The following LMF2 variants were observed in gnomAD, a reference collection of about 807,000 sequenced individuals.
The protein encoded by LMF2 is transmembrane protein 112B.
In LMF2, 113 loss-of-function variants were observed where a neutral mutation model predicts 81.5. That is an observed-to-expected ratio of 1.39 (90% CI 1.19 to 1.62). The LOEUF is 1.62. LMF2 is among the 40% of genes most tolerant of loss of function. LMF2 has a pLI of 0.00. For missense variants in LMF2, 1,235 were observed against 929.1 expected, an observed-to-expected ratio of 1.33 and a Z score of -4.28; for synonymous variants, 645 against 424.5, an observed-to-expected ratio of 1.52 and a Z score of -6.39.
chr22:50,503,584 A>T lies in LMF2; in HGVS notation c.1931T>A (p.Met644Lys), dbSNP rs1480549111. The change falls in exon 14 of 14, where the codon ATG (methionine) becomes AAG (lysine). Residue 644 changes from methionine to lysine, a missense_variant. Physicochemically the swap from Met to Lys is moderately conservative, Grantham distance 95. Transcript: ENST00000474879. The stretch of plus-strand genomic sequence containing the variant: ...CACAAATCTGACAGCCCCCACGGCC[A>T]TGAGGAGCCCCCAGAGCAGGGCGGG... ...EAPALLWGLL[M>K]AVGAVRFVQA... The T allele has an allele frequency of 1.3e-6, 2 of 1,546,280 alleles. No homozygotes were observed. Among genetic ancestry groups the T allele is most frequent in the African/African-American group, 2.7e-5 (2 of 72,900 alleles).
At position 50,506,435 on chromosome 22, in the gene LMF2, G is replaced by C. The variant is rs200084182; in HGVS notation, c.445C>G (p.Arg149Gly). Residue 149 changes from arginine to glycine, a missense_variant, in exon 4 of 14, where the codon CGC becomes GGC. By Grantham distance (125) the Arg-to-Gly change is moderately radical (BLOSUM62 -2). Transcript: ENST00000474879. ...LVAPLRPASH[R>G]KEAPQGRQAG... ...TGCCTGCCCTGGGGGGCCTCCTTGC[G>C]GTGGGAGGCTGGCCTCAGCGGGGCC... 6.4e-7 allele frequency: 1 copy of C among 1,550,516 alleles called. No homozygotes were observed. Among genetic ancestry groups the C allele is most frequent in the Non-Finnish European group, 8.7e-7 (1 of 1,148,304 alleles).
In LMF2 at chr22:50,504,945, GGC is replaced by G; in HGVS notation, c.1292_1293del (p.Arg431ProfsTer35). ...YSYVEPGTHG[R>X]LWTGAHRLFG... ...AACAGGCGGTGGGCCCCGGTCCAGAGGCGCCCGTGGGTCCCGGGCTCCACGTA... is the reference window on the plus strand; with the variant it reads ...AACAGGCGGTGGGCCCCGGTCCAGAGGCCCGTGGGTCCCGGGCTCCACGTA... On this transcript the variant is annotated frameshift_variant, in exon 10 of 14. Transcript: ENST00000474879. LOFTEE classifies it high-confidence loss of function. 1 of 1,607,504 alleles carries G rather than the reference GGC, an allele frequency of 6.2e-7. No individual in the cohort carries two copies. The highest frequency in any genetic ancestry group is 8.5e-7 in the Non-Finnish European group (1 of 1,176,536).
intron 5 of LMF2, 31 bp downstream of exon 5, chr22:50,506,004 C>T (rs1429377881): frequency 3.2e-6 from 5 of 1,568,906 alleles, no homozygotes; most frequent in Non-Finnish European, 4.3e-6. Context: ...GCCCTGTCTG[C>T]CTCTCTCTGA....
intron 1 of LMF2, 31 bp from the exon 2 acceptor site, chr22:50,507,066 G>T: frequency 6.4e-7 from 1 of 1,566,968 alleles, no homozygotes; most frequent in African/African-American, 1.3e-5. Flanking sequence ...GCCAGGCCCT[G>T]GACAGCCCTT....
Position 50,503,832 on chromosome 22 carries a change from C to T in LMF2, c.1791G>A (p.Thr597=), listed in dbSNP as rs199878629. 491 of 1,605,802 alleles carry T rather than the reference C, an allele frequency of 3.1e-4. 1 individual carries two copies. The highest frequency in any genetic ancestry group is 4.1e-4 in the South Asian group (37 of 91,088). ...CCTGTAGTCCAAACTGCCTGAGCAGCGTCTCCAGCGTGGGGTCCCCCAGGG... is the reference window on the plus strand; with the variant it reads ...CCTGTAGTCCAAACTGCCTGAGCAGTGTCTCCAGCGTGGGGTCCCCCAGGG... The part of the protein sequence containing the change: ...SVSLGDPTLE[T]LLRQFGLQEK... Residue 597 remains threonine (T), a synonymous_variant, in exon 13 of 14, where the codon ACG becomes ACA. Coordinates refer to ENST00000474879, the MANE Select transcript of LMF2 (RefSeq NM_033200.3).
Position 50,506,475 on chromosome 22 carries a change from G to A in LMF2, c.405C>T (p.Phe135=). The change falls in exon 4 of 14, where the codon TTC becomes TTT. Residue 135 remains phenylalanine, a synonymous_variant. Coordinates refer to ENST00000474879, the MANE Select transcript of LMF2 (RefSeq NM_033200.3). Reference sequence around the variant, plus strand: ...TCAGCGGGGCCACCAGCACGGCCAGGAAGCCAGTCTCTAGCAGCAGGGAGT... The same window carrying A: ...TCAGCGGGGCCACCAGCACGGCCAGAAAGCCAGTCTCTAGCAGCAGGGAGT... ...QWDSLLLETG[F]LAVLVAPLRP... is the part of the protein sequence containing the mutation. The A allele has an allele frequency of 1.3e-6, 2 of 1,553,810 alleles. No individual in the cohort carries two copies. Among genetic ancestry groups the A allele is most frequent in the Non-Finnish European group, 8.7e-7 (1 of 1,151,102 alleles).
chr22:50,507,222 C>T, intron 1 of LMF2, 187 bp from the exon 2 acceptor site: 1 of 959,496 alleles, frequency 1.0e-6, no homozygotes, highest in Non-Finnish European at 1.5e-6. Flanking sequence ...CGTCCCAGGG[C>T]TAGAGGCCTG....
rs369763274 is a variant in LMF2, at chr22:50,506,874, C to T, written c.256G>A (p.Ala86Thr). ...AGCAGGGCTCCCAGGGCCACTAGTG[C>T]ACCCAGCAGGCTCAGCAGCTCCAGG... ...QGLELLSLLG[A>T]LVALGALLLS... The change falls in exon 2 of 14, where the codon GCA becomes ACA. Residue 86 changes from alanine (A) to threonine (T), a missense_variant. Transcript: ENST00000474879. 1.8e-5 allele frequency: 28 copies of T among 1,589,750 alleles called. No homozygotes were observed. Among genetic ancestry groups the T allele is most frequent in the Non-Finnish European group, 2.4e-5 (28 of 1,168,752 alleles).
rs749163677 is a variant in LMF2 at position 50,503,730 on chromosome 22, G to A, written c.1816-31C>T. On this transcript the variant is annotated intron_variant, in intron 13 of 13. Coordinates refer to ENST00000474879, the MANE Select transcript of LMF2 (RefSeq NM_033200.3). ...GGAGGGAGGGAGGGAGGGAGGTTGGGGAAGTGCTTACTGGGTTTACCCCGG... is the reference window on the plus strand; with the variant it reads ...GGAGGGAGGGAGGGAGGGAGGTTGGAGAAGTGCTTACTGGGTTTACCCCGG... 11 of 1,587,458 alleles carry A rather than the reference G, an allele frequency of 6.9e-6. No individual in the cohort carries two copies. The Admixed American group carries it at 8.5e-5, about 12-fold the overall frequency.
rs769300731 is a variant in LMF2, at chr22:50,505,418, T to C, written c.1036A>G (p.Ile346Val). Residue 346 changes from isoleucine (I) to valine (V), a missense_variant, in exon 7 of 14, where the codon ATC becomes GTC. By Grantham distance (29) the Ile-to-Val change is conservative. Transcript: ENST00000474879. ...CGGCACTCACTGGTTCTGGAGTGGA[T>C]GGTGCGCTGCTGCCAGTCAACCTCC... ...GLEVDWQQRT[I>V]HSRTTFTFHQ... 1.9e-6 allele frequency: 3 copies of C among 1,613,132 alleles called. No homozygotes were observed. The highest frequency in any genetic ancestry group is 1.3e-5 in the African/African-American group (1 of 75,070).
intron 12 of LMF2, 85 bp from the exon 13 acceptor site, chr22:50,503,989 C>G: frequency 8.3e-7 from 1 of 1,200,020 alleles, no homozygotes; most frequent in Non-Finnish European, 1.2e-6. Context: ...CCCTGCTCCT[C>G]AGCTCCTCAC....
chr22:50,507,532 C>T, intron 1 of LMF2, 50 bp downstream of exon 1: 1 of 1,351,318 alleles, frequency 7.4e-7, no homozygotes, highest in South Asian at 1.2e-5. Flanking sequence ...GAAAAGAGGA[C>T]ATAGGGTCCC....
At position 50,505,087 on chromosome 22, in the gene LMF2, A is replaced by G; in HGVS notation, c.1224T>C (p.Thr408=). The G allele has an allele frequency of 1.9e-6, 3 of 1,612,990 alleles. No individual in the cohort carries two copies. Among genetic ancestry groups the G allele is most frequent in the Non-Finnish European group, 2.5e-6 (3 of 1,179,986 alleles). Residue 408 remains threonine (T), a synonymous_variant, in exon 9 of 14, where the codon ACT becomes ACC. Transcript: ENST00000474879. Reference sequence around the variant, plus strand: ...TAATCAGGAACAAGGCCACGGTCGCAGTGCCCACAAGGGACAGTTGGACTA... The same window carrying G: ...TAATCAGGAACAAGGCCACGGTCGCGGTGCCCACAAGGGACAGTTGGACTA... The part of the protein sequence containing the change: ...SAVVQLSLVG[T]ATVALFLISL...
At chr22:50,504,087 G>A (rs1341626337) in intron 12 of LMF2, among the ~76,000 whole-genome samples, 183 bp from the exon 13 acceptor site, 1 of 13,088 alleles carries the variant, frequency 7.6e-5, no homozygotes, top group African/African-American at 2.1e-4. Context: ...CCTGCACCCC[G>A]GGCTCCACAC....
chr22:50,507,015 T>C lies in LMF2; in HGVS notation c.115A>G (p.Ile39Val). 1 of 1,595,970 alleles carries C rather than the reference T, an allele frequency of 6.3e-7. No homozygotes were observed. The highest frequency in any genetic ancestry group is 8.5e-7 in the Non-Finnish European group (1 of 1,178,576). The change falls in exon 2 of 14, where the codon ATC (isoleucine) becomes GTC (valine). Residue 39 changes from isoleucine to valine, a missense_variant. Ile to Val is a conservative substitution (Grantham distance 29). Coordinates refer to ENST00000474879, the MANE Select transcript of LMF2 (RefSeq NM_033200.3). ...CGCAGCGTCCTCCTTGCAGGTAGGA[T>C]GCCCTCGGGGCCATACAGGCCTGTG... The part of the protein sequence containing the change: ...QIPGLYGPEG[I>V]LPARRTLRPQ...
rs1194672143 is a variant in LMF2, at chr22:50,506,972, CG to C, written c.157del (p.Arg53AlafsTer29). 1 of 1,589,900 alleles carries C rather than the reference CG, an allele frequency of 6.3e-7. No homozygotes were observed. The highest frequency in any genetic ancestry group is 2.3e-5 in the East Asian group (1 of 44,242). Reference sequence around the variant, plus strand: ...CGGGGTCTCCCACAGCTGCTGCCAGCGCCCCTTGCCCTGAGGCCGCAGCGTC... The same window carrying C: ...CGGGGTCTCCCACAGCTGCTGCCAGCCCCCTTGCCCTGAGGCCGCAGCGTC... Reference protein sequence around the residue: ...RRTLRPQGKGRWQQLWETPTL... With the variant: ...RRTLRPQGKGXWQQLWETPTL... On this transcript the variant is annotated frameshift_variant, in exon 2 of 14. Transcript: ENST00000474879. LOFTEE classifies it high-confidence loss of function.
At chr22:50,505,596 A>G (rs1016013729) in intron 6 of LMF2, 59 bp from the exon 7 acceptor site, 9 of 1,611,248 alleles carry the variant, frequency 5.6e-6, no homozygotes, top group Admixed American at 3.3e-5. Flanking sequence ...GCTGGGGTGC[A>G]GCTAGAGTGG....
Position 50,505,770 on chromosome 22 carries a change from A to C in LMF2, c.820T>G (p.Phe274Val). Residue 274 changes from phenylalanine (F) to valine (V), a missense_variant, in exon 6 of 14, where the codon TTC becomes GTC. Phe to Val is a conservative substitution (Grantham distance 50). Coordinates refer to ENST00000474879, the MANE Select transcript of LMF2 (RefSeq NM_033200.3). ...GTAAGCACCAGCGTCATCAGGTTGA[A>C]GAAGTTGTAGTTGCCGGTGATGATA... The part of the protein sequence containing the change: ...LIIITGNYNF[F>V]NLMTLVLTTA... The C allele has an allele frequency of 6.2e-7, 1 of 1,613,260 alleles. No individual in the cohort carries two copies. Among genetic ancestry groups the C allele is most frequent in the Non-Finnish European group, 8.5e-7 (1 of 1,179,942 alleles).
At chr22:50,507,309 T>C in intron 1 of LMF2, 1 of 608,288 alleles carries the variant, frequency 1.6e-6, no homozygotes, top group South Asian at 2.0e-5. Flanking sequence ...ATCTCCTACC[T>C]GTCCCACCAG....
Sources: gnomAD v4.1 joint callset for allele counts (sites outside exome capture counted in the v4.1 genomes callset) on GRCh38, gnomAD v4.1.1 for gene constraint, MANE v1.5 for transcripts, NCBI Gene and HGNC (gene_info 2026-07-23, HGNC 2026-07-21) for gene names.